The following PVALB variants were observed in gnomAD, a reference collection of about 807,000 sequenced individuals.
PVALB encodes parvalbumin.
Under a neutral mutation model 10.9 loss-of-function variants are expected in PVALB, and 11 were observed. The ratio of observed to expected loss-of-function variants is 1.01; its 90% CI spans 0.63 to 1.67. The LOEUF is 1.67. Among genes scored for constraint, PVALB ranks in the 40% most tolerant of loss-of-function variants. The pLI is 0.00. For missense variants in PVALB, 131 were observed against 136.2 expected, an observed-to-expected ratio of 0.96 and a Z score of 0.19; for synonymous variants, 57 against 50.7, an observed-to-expected ratio of 1.12 and a Z score of -0.53.
intron 3 of PVALB, among the ~76,000 whole-genome samples, chr22:36,805,269 G>A (rs1438473126): frequency 3.9e-5 from 6 of 152,150 alleles, no homozygotes; most frequent in Non-Finnish European, 8.8e-5. Flanking sequence ...GTCAAATGGA[G>A]CTCATGATAG....
At position 36,815,202 on chromosome 22, in the gene PVALB, T is replaced by A; in HGVS notation, c.95A>T (p.Gln32Leu). Residue 32 changes from glutamine to leucine, a missense_variant, in exon 2 of 4, where the codon CAA (glutamine) becomes CTA (leucine). By Grantham distance (113) the Gln-to-Leu change is moderately radical. Transcript: ENST00000417718. ...ACTCTTTTTCTTCAGGCCGACCATT[T>A]GGAAGAACTTTTTGTGGTCGAAGGA... ...TDSFDHKKFF[Q>L]MVGLKKKSAD... 6.2e-7 allele frequency: 1 copy of A among 1,614,192 alleles called. No homozygotes were observed. Among genetic ancestry groups the A allele is most frequent in the Non-Finnish European group, 8.5e-7 (1 of 1,180,016 alleles).
chr22:36,801,205 A>G (rs915593252), intron 3 of PVALB, among the ~76,000 whole-genome samples: 3 of 152,198 alleles, frequency 2.0e-5, no homozygotes, highest in African/African-American at 7.2e-5. Flanking sequence ...AATAATAATA[A>G]TAATAGTTTT....
intron 3 of PVALB, among the ~76,000 whole-genome samples, chr22:36,811,313 C>T (rs1939043212): frequency 8.2e-6 from 1 of 121,850 alleles, no homozygotes. Context: ...ATAAATAAGG[C>T]ATTGCAGTGG....
chr22:36,817,121 G>A, upstream of PVALB: 2 of 930,790 alleles, frequency 2.1e-6, no homozygotes, highest in Non-Finnish European at 3.1e-6. Flanking sequence ...ACGCCCGCCG[G>A]GCCTGGCATG....
intron 3 of PVALB, among the ~76,000 whole-genome samples, chr22:36,804,668 G>A (rs1182633046): frequency 2.0e-5 from 3 of 152,180 alleles, no homozygotes; most frequent in Non-Finnish European, 4.4e-5. Flanking sequence ...GGGTGCAGTG[G>A]CTCATGCCTG....
At chr22:36,818,312 G>A (rs375152325), upstream of PVALB, 594 of 152,520 alleles carry the variant, frequency 3.9e-3, 6 homozygotes, top group Middle Eastern at 0.014. Flanking sequence ...GTGGGGACCA[G>A]GGAGAGCAGC....
chr22:36,804,871 T>C (rs1938926369), intron 3 of PVALB, among the ~76,000 whole-genome samples: 1 of 151,930 alleles, frequency 6.6e-6, no homozygotes, highest in Non-Finnish European at 1.5e-5. Context: ...GAGGTGGAGA[T>C]TGCAGTGAGC....
At chr22:36,814,913 C>T (rs868274626) in intron 2 of PVALB, among the ~76,000 whole-genome samples, 190 bp downstream of exon 2, 2 of 152,222 alleles carry the variant, frequency 1.3e-5, no homozygotes, top group East Asian at 1.9e-4. Context: ...TTTACTCTTC[C>T]GAAGCAATAG....
chr22:36,812,281 G>A (rs1172498060), intron 3 of PVALB, among the ~76,000 whole-genome samples: 3 of 152,122 alleles, frequency 2.0e-5, no homozygotes, highest in African/African-American at 4.8e-5. Flanking sequence ...CTCAGGCAGC[G>A]GATGTTTATG....
intron 3 of PVALB, among the ~76,000 whole-genome samples, chr22:36,801,573 G>T (rs1000978600): frequency 6.6e-6 from 1 of 152,216 alleles, no homozygotes; most frequent in Non-Finnish European, 1.5e-5. Flanking sequence ...GCTGAGGCAG[G>T]TGAATCACTT....
chr22:36,801,716 C>G (rs975071342), intron 3 of PVALB, among the ~76,000 whole-genome samples: 22 of 152,192 alleles, frequency 1.4e-4, no homozygotes, highest in African/African-American at 4.3e-4. Context: ...AGGAGAATTG[C>G]TTGATCCCAG....
At chr22:36,802,988 G>C (rs972048574) in intron 3 of PVALB, among the ~76,000 whole-genome samples, 2 of 152,196 alleles carry the variant, frequency 1.3e-5, no homozygotes, top group African/African-American at 4.8e-5. Flanking sequence ...CGGTGGGGCA[G>C]GTGGTTATTT....
rs1261270587 is a variant in PVALB, at chr22:36,813,651, A to G, written c.299T>C (p.Val100Ala). 6.2e-7 allele frequency: 1 copy of G among 1,613,034 alleles called. No homozygotes were observed. Among genetic ancestry groups the G allele is most frequent in the Non-Finnish European group, 8.5e-7 (1 of 1,179,102 alleles). Residue 100 changes from valine (V) to alanine (A), a missense_variant, in exon 3 of 4, where the codon GTT becomes GCT. Coordinates refer to ENST00000417718, the MANE Select transcript of PVALB (RefSeq NM_001315532.2). Reference sequence around the variant, plus strand: ...CCCAGGTCACGGCTACCCACCGTCAACCCCAATTTTGCCGTCCCCATCTTT... The same window carrying G: ...CCCAGGTCACGGCTACCCACCGTCAGCCCCAATTTTGCCGTCCCCATCTTT... ...GDKDGDGKIG[V>A]DEFSTLVAES is the part of the protein sequence containing the mutation.
chr22:36,805,678 G>A (rs1043625793), intron 3 of PVALB, among the ~76,000 whole-genome samples: 2 of 152,136 alleles, frequency 1.3e-5, no homozygotes, highest in African/African-American at 2.4e-5. Flanking sequence ...TGTAAAGTGG[G>A]TATAATAATG....
upstream of PVALB, among the ~76,000 whole-genome samples, chr22:36,818,010 T>C (rs1343678101): frequency 1.3e-5 from 2 of 152,150 alleles, no homozygotes; most frequent in Non-Finnish European, 2.9e-5. Context: ...TCACGGTGCC[T>C]ATCTGTATGC....
intron 1 of PVALB, among the ~76,000 whole-genome samples, chr22:36,815,603 G>C (rs951352564): frequency 1.3e-5 from 2 of 152,188 alleles, no homozygotes; most frequent in African/African-American, 4.8e-5. Context: ...GGTTGGGAGT[G>C]GGCTGGGGAA....
intron 2 of PVALB, 78 bp downstream of exon 2, chr22:36,815,025 A>G: frequency 1.3e-6 from 2 of 1,560,254 alleles, no homozygotes; most frequent in Non-Finnish European, 1.8e-6. Flanking sequence ...TCTGATGGAC[A>G]CTTGGAAGCT....
intron 3 of PVALB, 138 bp from the exon 4 acceptor site, chr22:36,801,056 AAAATGAATGAATGAAT>A (rs1308746694): frequency 4.0e-6 from 3 of 750,912 alleles, no homozygotes; most frequent in African/African-American, 1.7e-5. Context: ...CGTAAGTGTG[AAAATGAATGAATGAAT>A]AAATGAATGA....
intron 3 of PVALB, among the ~76,000 whole-genome samples, chr22:36,810,275 T>C (rs536124882): frequency 5.3e-5 from 8 of 152,304 alleles, no homozygotes; most frequent in African/African-American, 1.7e-4. Context: ...ATCTTCCAGC[T>C]ATAGGTGGGG....
Sources: allele counts gnomAD v4.1 joint callset (sites outside exome capture counted in the v4.1 genomes callset), GRCh38; gene constraint gnomAD v4.1.1; transcripts MANE v1.5; gene names NCBI Gene and HGNC (gene_info 2026-07-23, HGNC 2026-07-21).